Variants in PKHD1 observed in about 807,000 individuals in gnomAD.
PKHD1 encodes the protein fibrocystin.
Under a neutral mutation model 412.0 loss-of-function variants are expected in PKHD1, and 291 were observed. That is an observed-to-expected ratio of 0.71 (90% CI 0.64 to 0.78). PKHD1 has a LOEUF of 0.78. Ranked by LOEUF, PKHD1 falls within the 30% of genes least tolerant of loss-of-function variation. PKHD1 has a pLI of 0.00. For missense variants in PKHD1, 4,825 were observed against 4,950.7 expected (o/e 0.97, Z 0.76); for synonymous variants, 1,777 against 1,821.5 (o/e 0.98, Z 0.62).
rs1395158348 is a variant in PKHD1, at chr6:51,780,360, C to T, written c.8441-4439G>A. ...GAGATCGCACCACACTGCACTCCAG[C>T]CTGGTGACAGAGAAAGACTCCATCT... On this transcript the variant is annotated intron_variant, in intron 53 of 66. Transcript: ENST00000371117. Among the ~76,000 whole-genome samples the T allele has an allele frequency of 2.6e-5, 4 of 151,678 alleles. No homozygotes were observed. The East Asian group carries it at 5.8e-4, about 22-fold the overall frequency.
In PKHD1 at chr6:51,746,802, A is replaced by G. The variant is rs1224706847; in HGVS notation, c.9917T>C (p.Met3306Thr). The change falls in exon 59 of 67, where the codon ATG (methionine) becomes ACG (threonine). Residue 3306 changes from methionine to threonine, a missense_variant. Transcript: ENST00000371117. ...GGTCCTCTCTGCTGTTATTGGGTGC[A>G]TAATTCCACTGTTCTCTGCATTTGG... ...ILPNAENSGI[M>T]HPITAERTRM... 3 of 1,610,896 alleles carry G rather than the reference A, an allele frequency of 1.9e-6. No homozygotes were observed. The highest frequency in any genetic ancestry group is 2.5e-6 in the Non-Finnish European group (3 of 1,177,332).
At chr6:51,982,359 GA>G (rs1795527806) in intron 35 of PKHD1, among the ~76,000 whole-genome samples, 2 of 108,924 alleles carry the variant, frequency 1.8e-5, no homozygotes, top group African/African-American at 5.8e-5. Context: ...CGGTTTTGTG[GA>G]ATAGAAAGGC....
chr6:51,754,448 C>T (rs1045666022), intron 56 of PKHD1, among the ~76,000 whole-genome samples: 3 of 152,078 alleles, frequency 2.0e-5, no homozygotes, highest in Admixed American at 2.0e-4. Context: ...AAACTCAGTG[C>T]CCATAAGTTT....
chr6:51,723,822 G>A (rs1385000427), intron 60 of PKHD1, among the ~76,000 whole-genome samples: 1 of 152,104 alleles, frequency 6.6e-6, no homozygotes, highest in African/African-American at 2.4e-5. Context: ...TGGGTACATA[G>A]AATGGTACCC....
chr6:51,979,483 C>T (rs1475287396), intron 35 of PKHD1, among the ~76,000 whole-genome samples: 2 of 152,050 alleles, frequency 1.3e-5, no homozygotes, highest in South Asian at 2.1e-4. Flanking sequence ...CTCTGCATTG[C>T]TAATATTCTC....
At chr6:51,956,028 G>A (rs1177051032) in intron 36 of PKHD1, among the ~76,000 whole-genome samples, 3 of 151,966 alleles carry the variant, frequency 2.0e-5, no homozygotes, top group Non-Finnish European at 4.4e-5. Context: ...TATCTTTCAA[G>A]TACTTTCACA....
intron 14 of PKHD1, among the ~76,000 whole-genome samples, chr6:52,060,465 G>A (rs9463752): frequency 0.019 from 2,876 of 152,288 alleles, 91 homozygotes; most frequent in African/African-American, 0.066. Context: ...AACACCTGCA[G>A]AGAGCATTTT....
Position 51,773,792 on chromosome 6 carries a change from C to CA in PKHD1, c.8555-1004dup, listed in dbSNP as rs777506069. The stretch of plus-strand genomic sequence containing the variant: ...ACTTTGGTGTTCATCTGATAAGGAC[C>CA]AAAAAAAAAATAATCCCAATTAATT... On this transcript the variant is annotated intron_variant, in intron 54 of 66. Coordinates refer to ENST00000371117, the MANE Select transcript of PKHD1 (RefSeq NM_138694.4). Among the ~76,000 whole-genome samples, 861 of 144,344 alleles carry CA rather than the reference C, an allele frequency of 6.0e-3. 9 individuals carry two copies. The highest frequency in any genetic ancestry group is 7.0e-3 in the Non-Finnish European group (460 of 65,956). 94.7% of individuals were successfully genotyped at this position (144,344 alleles called of 152,430 possible).
chr6:51,687,817 G>C (rs998608104), intron 60 of PKHD1, among the ~76,000 whole-genome samples: 2 of 152,170 alleles, frequency 1.3e-5, no homozygotes, highest in African/African-American at 4.8e-5. Flanking sequence ...GGATGAATTT[G>C]TGAGTTAGTA....
At chr6:52,037,283 C>G (rs1327006893) in intron 27 of PKHD1, among the ~76,000 whole-genome samples, 1 of 151,860 alleles carries the variant, frequency 6.6e-6, no homozygotes, top group East Asian at 1.9e-4. Flanking sequence ...TAGAAGGAAA[C>G]ATGGCAGAAT....
intron 1 of PKHD1, among the ~76,000 whole-genome samples, chr6:52,086,817 A>G (rs1407458819): frequency 6.6e-6 from 1 of 152,244 alleles, no homozygotes; most frequent in African/African-American, 2.4e-5. Flanking sequence ...TTTGAAATAG[A>G]ATTCAACTTA....
chr6:51,841,769 G>T (rs1770252393), intron 50 of PKHD1, among the ~76,000 whole-genome samples: 1 of 152,214 alleles, frequency 6.6e-6, no homozygotes, highest in Non-Finnish European at 1.5e-5. Context: ...CTCCTCCTTA[G>T]ATCCTAAAGG....
Position 51,855,883 on chromosome 6 carries a change from C to A in PKHD1, c.7911+10G>T, listed in dbSNP as rs1349962269. 1.6e-5 allele frequency: 26 copies of A among 1,601,126 alleles called. No individual in the cohort carries two copies. Among genetic ancestry groups the A allele is most frequent in the Non-Finnish European group, 2.2e-5 (26 of 1,168,308 alleles). ...ATGCAGCATACCAACTAATGGATTC[C>A]TTGGGTTACCTGCAGAGATCTGTTG... On this transcript the variant is annotated intron_variant, in intron 49 of 66. Transcript: ENST00000371117.
intron 55 of PKHD1, among the ~76,000 whole-genome samples, chr6:51,758,014 A>AAAAGAGAGAGAGAGAGAG (rs1787320544): frequency 7.9e-6 from 1 of 126,090 alleles, no homozygotes; most frequent in Non-Finnish European, 1.6e-5. Context: ...ACCCTGCCAA[A>AAAAGAGAGAGAGAGAGAG]AGAGAGAGAG....
chr6:52,070,178 C>T lies in PKHD1; in HGVS notation c.707+228G>A, dbSNP rs6903209. Among the ~76,000 whole-genome samples the T allele has an allele frequency of 0.31, 47,629 of 151,972 alleles. 8,073 individuals are homozygous for T. The highest frequency in any genetic ancestry group is 0.44 in the African/African-American group (18,193 of 41,426). ...TTAAGATTTAATTCCCAAAATTCTG[C>T]AACACCACCATATTGAAACACACAT... On this transcript the variant is annotated intron_variant, in intron 10 of 66. Coordinates refer to ENST00000371117, the MANE Select transcript of PKHD1 (RefSeq NM_138694.4).
At chr6:51,839,030 T>G (rs1473365073) in intron 50 of PKHD1, among the ~76,000 whole-genome samples, 2 of 152,222 alleles carry the variant, frequency 1.3e-5, no homozygotes, top group African/African-American at 4.8e-5. Context: ...AGAAACATGC[T>G]TTTACTTTCT....
intron 35 of PKHD1, among the ~76,000 whole-genome samples, chr6:52,008,248 C>A (rs950523265): frequency 6.6e-6 from 1 of 152,182 alleles, no homozygotes; most frequent in African/African-American, 2.4e-5. Flanking sequence ...TTATCAACCA[C>A]CCCTCATTAT....
chr6:51,940,105 T>A (rs1788235842), intron 36 of PKHD1, among the ~76,000 whole-genome samples: 1 of 151,580 alleles, frequency 6.6e-6, no homozygotes, highest in South Asian at 2.1e-4. Flanking sequence ...CAGTTCATGG[T>A]TCGTTCAGCA....
chr6:52,028,344 C>A lies in PKHD1; in HGVS notation c.3372G>T (p.Glu1124Asp), dbSNP rs569065606. Reference sequence around the variant, plus strand: ...GCCTCGCCACTCCAATGACCAGGGTCTCACCGCCTGTGTTGAGAAGAATCC... The same window carrying A: ...GCCTCGCCACTCCAATGACCAGGGTATCACCGCCTGTGTTGAGAAGAATCC... ...SRNISNIAGGETLVIGVARLM... is the reference protein window; with the variant it reads ...SRNISNIAGGDTLVIGVARLM... Residue 1124 changes from glutamate to aspartate, a missense_variant, in exon 30 of 67, where the codon GAG becomes GAT. Coordinates refer to ENST00000371117, the MANE Select transcript of PKHD1 (RefSeq NM_138694.4). 5 of 1,613,504 alleles carry A rather than the reference C, an allele frequency of 3.1e-6. No individual in the cohort carries two copies. The South Asian group carries it at 5.5e-5, about 18-fold the overall frequency.
Sources: allele counts gnomAD v4.1 joint callset (sites outside exome capture counted in the v4.1 genomes callset), GRCh38; gene constraint gnomAD v4.1.1; transcripts MANE v1.5; gene names NCBI Gene and HGNC (gene_info 2026-07-23, HGNC 2026-07-21).